The following CTIF variants were observed in gnomAD, a reference collection of about 807,000 sequenced individuals.
CTIF encodes the protein CBP80/20-dependent translation initiation factor.
Under a neutral mutation model 66.0 loss-of-function variants are expected in CTIF, and 21 were observed. That is an observed-to-expected ratio of 0.32 (90% CI 0.23 to 0.46). The LOEUF is 0.46. Among genes scored for constraint, CTIF ranks in the 20% least tolerant of loss-of-function variants. The pLI, the probability that CTIF is intolerant of heterozygous loss-of-function variation, is 1.00. For missense variants in CTIF, 739 were observed against 812.7 expected, an observed-to-expected ratio of 0.91 and a Z score of 1.10; for synonymous variants, 345 against 326.4, an observed-to-expected ratio of 1.06 and a Z score of -0.62.
intron 2 of CTIF, chr18:48,621,614 A>G: frequency 2.8e-6 from 1 of 352,648 alleles, no homozygotes; most frequent in Non-Finnish European, 5.4e-6. Flanking sequence ...GGATGGGGAG[A>G]CTGCCTTGCG....
chr18:48,818,730 AC>A (rs1303089018), intron 10 of CTIF, among the ~76,000 whole-genome samples: 3 of 151,794 alleles, frequency 2.0e-5, no homozygotes, highest in African/African-American at 7.3e-5. Flanking sequence ...CCCATGTTGT[AC>A]CCTCCCACCA....
At chr18:48,716,474 T>A (rs1568160263) in intron 7 of CTIF, among the ~76,000 whole-genome samples, 1 of 152,156 alleles carries the variant, frequency 6.6e-6, no homozygotes, top group Non-Finnish European at 1.5e-5. Flanking sequence ...GCCTCTGTCC[T>A]GTGATTGACC....
intron 1 of CTIF, among the ~76,000 whole-genome samples, chr18:48,605,820 C>T (rs1418592181): frequency 6.6e-6 from 1 of 152,160 alleles, no homozygotes; most frequent in Non-Finnish European, 1.5e-5. Context: ...CATACCAGGT[C>T]CTGGAAATAC....
At chr18:48,710,972 AAAT>A (rs943358368) in intron 6 of CTIF, among the ~76,000 whole-genome samples, 1 of 152,120 alleles carries the variant, frequency 6.6e-6, no homozygotes, top group Non-Finnish European at 1.5e-5. Flanking sequence ...ACCCTGTCTC[AAAT>A]AATAATAATA....
chr18:48,725,156 C>A (rs918745360), intron 7 of CTIF, among the ~76,000 whole-genome samples: 3 of 152,234 alleles, frequency 2.0e-5, no homozygotes, highest in African/African-American at 7.2e-5. Context: ...GAGCAGATGG[C>A]TCGGCCTGGT....
At chr18:48,636,095 G>A (rs2090816570) in intron 2 of CTIF, among the ~76,000 whole-genome samples, 1 of 152,208 alleles carries the variant, frequency 6.6e-6, no homozygotes, top group Non-Finnish European at 1.5e-5. Flanking sequence ...GAGTTCTCAG[G>A]GGATGTGAGT....
At chr18:48,844,694 C>T (rs1449920974) in intron 10 of CTIF, among the ~76,000 whole-genome samples, 1 of 152,228 alleles carries the variant, frequency 6.6e-6, no homozygotes, top group Non-Finnish European at 1.5e-5. Flanking sequence ...TACCAAGGCT[C>T]CATGTTAGAC....
chr18:48,617,282 G>A (rs889891659), intron 1 of CTIF, among the ~76,000 whole-genome samples: 2 of 152,116 alleles, frequency 1.3e-5, no homozygotes, highest in African/African-American at 4.8e-5. Flanking sequence ...TTGGATCTCT[G>A]GCTTCTTCTG....
intron 2 of CTIF, 95 bp from the exon 3 acceptor site, chr18:48,636,519 A>T: frequency 2.4e-6 from 2 of 842,934 alleles, no homozygotes; most frequent in African/African-American, 1.8e-5. Context: ...CAGTCATGCT[A>T]ATGGGGAAGG....
chr18:48,753,095 G>A (rs906507794), intron 7 of CTIF, among the ~76,000 whole-genome samples: 1 of 152,232 alleles, frequency 6.6e-6, no homozygotes, highest in Non-Finnish European at 1.5e-5. Context: ...CTGGGCCAGG[G>A]CAGGCAGAGC....
intron 10 of CTIF, among the ~76,000 whole-genome samples, chr18:48,837,762 G>A (rs1009771718): frequency 7.2e-5 from 11 of 152,080 alleles, no homozygotes; most frequent in African/African-American, 2.4e-4. Context: ...CTCCTAGGTG[G>A]ATCCAGTACA....
intron 2 of CTIF, among the ~76,000 whole-genome samples, chr18:48,634,931 G>C (rs1467059595): frequency 6.6e-6 from 1 of 152,184 alleles, no homozygotes; most frequent in African/African-American, 2.4e-5. Context: ...TTTTCATATT[G>C]ATTACCTGTT....
At chr18:48,800,993 C>T (rs2068037881) in intron 9 of CTIF, among the ~76,000 whole-genome samples, 1 of 152,218 alleles carries the variant, frequency 6.6e-6, no homozygotes, top group Non-Finnish European at 1.5e-5. Flanking sequence ...GCCCTTCACC[C>T]ATCCCCACAG....
chr18:48,653,458 A>G (rs1055254898), intron 3 of CTIF, among the ~76,000 whole-genome samples: 7 of 152,266 alleles, frequency 4.6e-5, no homozygotes, highest in African/African-American at 7.2e-5. Context: ...ACAAACCACT[A>G]CTCAATGAAA....
At chr18:48,694,623 C>G (rs1345655537) in intron 6 of CTIF, among the ~76,000 whole-genome samples, 1 of 152,196 alleles carries the variant, frequency 6.6e-6, no homozygotes, top group South Asian at 2.1e-4. Flanking sequence ...TTAAGACAAC[C>G]CATAAAGACC....
intron 9 of CTIF, among the ~76,000 whole-genome samples, chr18:48,786,141 G>A (rs1000765803): frequency 6.6e-6 from 1 of 152,186 alleles, no homozygotes; most frequent in African/African-American, 2.4e-5. Context: ...CCAGCCAGCT[G>A]AAGGAGCTCA....
At chr18:48,691,709 G>C (rs1219884201) in intron 6 of CTIF, among the ~76,000 whole-genome samples, 3 of 152,104 alleles carry the variant, frequency 2.0e-5, no homozygotes, top group Non-Finnish European at 4.4e-5. Context: ...GCTCACTCCT[G>C]TCTCCCCTTT....
chr18:48,694,644 G>A lies in CTIF; in HGVS notation c.508-16975G>A, dbSNP rs370099762. Among the ~76,000 whole-genome samples, 12 of 152,332 alleles carry A rather than the reference G, an allele frequency of 7.9e-5. No homozygotes were observed. In the East Asian group the frequency reaches 2.3e-3, roughly 29 times the overall value. On this transcript the variant is annotated intron_variant, in intron 6 of 11. Coordinates refer to ENST00000256413, the MANE Select transcript of CTIF (RefSeq NM_014772.3). The stretch of plus-strand genomic sequence containing the variant: ...CAACCCATAAAGACCTTTTTATGTG[G>A]TGCAGACTCTTTAATGCCGTGCATC...
intron 1 of CTIF, among the ~76,000 whole-genome samples, chr18:48,552,572 C>T (rs2088910012): frequency 6.6e-6 from 1 of 152,202 alleles, no homozygotes; most frequent in South Asian, 2.1e-4. Flanking sequence ...AGGACGTTCT[C>T]TGGGGTGTCC....
Sources: gnomAD v4.1 joint callset for allele counts (sites outside exome capture counted in the v4.1 genomes callset) on GRCh38, gnomAD v4.1.1 for gene constraint, MANE v1.5 for transcripts, NCBI Gene and HGNC (gene_info 2026-07-23, HGNC 2026-07-21) for gene names.